Variants in CHSY1 observed in about 807,000 individuals in gnomAD.
The protein encoded by CHSY1 is N-acetylgalactosaminyl-proteoglycan 3-beta-glucuronosyltransferase 1.
In CHSY1, 13 loss-of-function variants were observed where a neutral mutation model predicts 59.8. The observed-to-expected ratio is 0.22, with a 90% CI of 0.14 to 0.35. The LOEUF (loss-of-function observed/expected upper bound fraction) is 0.35. Ranked by LOEUF, CHSY1 falls within the 10% of genes least tolerant of loss-of-function variation. CHSY1 has a pLI of 1.00. For synonymous variants in CHSY1, 459 were observed against 401.2 expected, an observed-to-expected ratio of 1.14 and a Z score of -1.72; for missense variants, 947 against 1,030.6, an observed-to-expected ratio of 0.92 and a Z score of 1.11.
Position 101,235,317 on chromosome 15 carries a change from A to T in CHSY1, c.581T>A (p.Leu194His). ...FLRSLNSSEP[L>H]FLGQTGLGTT... ...GCCCAGGCCTGTCTGCCCAAGAAAG[A>T]GGGGCTCGCTGCTGTTCAAACTCCT... Residue 194 changes from leucine (L) to histidine (H), a missense_variant, in exon 2 of 3, where the codon CTC becomes CAC. Around this residue, in one of 4 missense-constraint regions of CHSY1, gnomAD observed 108 missense variants for 144.4 expected, o/e 0.75. Transcript: ENST00000254190. The T allele has an allele frequency of 6.2e-7, 1 of 1,614,156 alleles. No individual in the cohort carries two copies. Among genetic ancestry groups the T allele is most frequent in the Non-Finnish European group, 8.5e-7 (1 of 1,180,032 alleles).
At chr15:101,213,847 G>A (rs573502263) in intron 2 of CHSY1, among the ~76,000 whole-genome samples, 3 of 152,240 alleles carry the variant, frequency 2.0e-5, no homozygotes, top group South Asian at 4.2e-4. Flanking sequence ...TCCTAGACTC[G>A]GTGTTTAAGT....
intron 2 of CHSY1, among the ~76,000 whole-genome samples, chr15:101,209,594 A>C (rs1326835706): frequency 6.6e-6 from 1 of 152,226 alleles, no homozygotes; most frequent in African/African-American, 2.4e-5. Context: ...AACCTGCTAA[A>C]CAAAAATAAC....
chr15:101,222,493 T>C (rs989328101), intron 2 of CHSY1, among the ~76,000 whole-genome samples: 12 of 152,228 alleles, frequency 7.9e-5, no homozygotes, highest in Admixed American at 7.8e-4. Flanking sequence ...CACTATTACC[T>C]AGAGTGCAGA....
intron 1 of CHSY1, among the ~76,000 whole-genome samples, chr15:101,240,748 T>C (rs924284857): frequency 3.9e-4 from 59 of 152,364 alleles, no homozygotes; most frequent in African/African-American, 1.3e-3. Context: ...ACTTTGGTGA[T>C]AACCTTGAGC....
Position 101,251,429 on chromosome 15 carries a change from GC to G in CHSY1, c.27del (p.Trp9CysfsTer26). On this transcript the variant is annotated frameshift_variant, in exon 1 of 3. Transcript: ENST00000254190. LOFTEE classifies it high-confidence loss of function. ...AGGACGAGCCCGAGCAGCACGCTGA[GC>G]CAGGCGCGCCGGCCGCGCGCGGCCA... Reference protein sequence around the residue: MAARGRRAWLSVLLGLVLG... With the variant: MAARGRRAXLSVLLGLVLG... 1 of 1,090,828 alleles carries G rather than the reference GC, an allele frequency of 9.2e-7. No homozygotes were observed. Among genetic ancestry groups the G allele is most frequent in the South Asian group, 2.2e-5 (1 of 45,014 alleles). The allele number at this position is 1,090,828 out of a possible 1,614,324, so 67.6% of individuals were successfully genotyped here.
intron 2 of CHSY1, among the ~76,000 whole-genome samples, chr15:101,195,925 G>C (rs1567092156): frequency 6.6e-6 from 1 of 151,382 alleles, no homozygotes; most frequent in Non-Finnish European, 1.5e-5. Context: ...ACCCCAGTTA[G>C]TTAATATAAA....
chr15:101,205,425 C>A (rs1011645076), intron 2 of CHSY1, among the ~76,000 whole-genome samples: 1 of 152,100 alleles, frequency 6.6e-6, no homozygotes, highest in Non-Finnish European at 1.5e-5. Context: ...TATAAACAAG[C>A]TAGTAATCAA....
intron 1 of CHSY1, among the ~76,000 whole-genome samples, chr15:101,245,302 G>A (rs2039039607): frequency 6.6e-6 from 1 of 152,156 alleles, no homozygotes; most frequent in African/African-American, 2.4e-5. Context: ...ATTTCATGTT[G>A]TAGGAAACCT....
intron 2 of CHSY1, among the ~76,000 whole-genome samples, chr15:101,234,871 G>A (rs189537007): frequency 4.4e-4 from 67 of 152,172 alleles, no homozygotes; most frequent in Admixed American, 1.2e-3. Context: ...TCTCTGGGGG[G>A]AGAAAAAGTA....
rs369812620 is a variant in CHSY1 at position 101,248,035 on chromosome 15, GTTGTTTTT to G, written c.320+3094_320+3101del. On this transcript the variant is annotated intron_variant, in intron 1 of 2. Transcript: ENST00000254190. ...TCCTTCATCTATAAGCCAAACAACA[GTTGTTTTT>G]TTGTTTTTTTTAAAAAACAAAACTA... Among the ~76,000 whole-genome samples the G allele has an allele frequency of 1.6e-3, 241 of 152,232 alleles. 1 individual carries two copies. Among genetic ancestry groups the G allele is most frequent in the African/African-American group, 5.6e-3 (233 of 41,532 alleles).
chr15:101,251,057 C>T, intron 1 of CHSY1, 80 bp downstream of exon 1: 2 of 1,356,098 alleles, frequency 1.5e-6, no homozygotes, highest in Non-Finnish European at 2.0e-6. Flanking sequence ...CGGGCGGAGG[C>T]GAGAGCCAGG....
intron 2 of CHSY1, among the ~76,000 whole-genome samples, chr15:101,226,968 G>A (rs561055470): frequency 6.6e-6 from 1 of 152,328 alleles, no homozygotes; most frequent in African/African-American, 2.4e-5. Context: ...AAATGGCAGA[G>A]TGAAGACCTC....
chr15:101,178,608 T>C lies in CHSY1; in HGVS notation c.1189A>G (p.Met397Val). The change falls in exon 3 of 3, where the codon ATG (methionine) becomes GTG (valine). Residue 397 changes from methionine (M) to valine (V), a missense_variant. Physicochemically the swap from Met to Val is conservative, Grantham distance 21. Coordinates refer to ENST00000254190, the MANE Select transcript of CHSY1 (RefSeq NM_014918.5). ...AAGGCTTCCCTCTGGGCGGAGTCCA[T>C]TCCTCTTCGAGGGGGCTGGCCGTCA... ...AVDGQPPRRG[M>V]DSAQREALDD... The C allele has an allele frequency of 3.1e-6, 5 of 1,614,202 alleles. No homozygotes were observed. Among genetic ancestry groups the C allele is most frequent in the Non-Finnish European group, 4.2e-6 (5 of 1,180,030 alleles).
chr15:101,224,540 A>G (rs564206621), intron 2 of CHSY1, among the ~76,000 whole-genome samples: 9 of 152,318 alleles, frequency 5.9e-5, no homozygotes, highest in African/African-American at 2.2e-4. Flanking sequence ...CAAGTGTAAG[A>G]TTCACCAGAG....
chr15:101,214,526 C>G (rs918360908), intron 2 of CHSY1, among the ~76,000 whole-genome samples: 6 of 152,194 alleles, frequency 3.9e-5, no homozygotes, highest in Non-Finnish European at 8.8e-5. Flanking sequence ...TGCTTACATA[C>G]TTTGGTATAT....
chr15:101,195,601 C>G (rs889490099), intron 2 of CHSY1, among the ~76,000 whole-genome samples: 1 of 152,154 alleles, frequency 6.6e-6, no homozygotes, highest in Non-Finnish European at 1.5e-5. Flanking sequence ...ACGGGCAGAT[C>G]ATGAGGTCAG....
chr15:101,223,086 C>A (rs2038807072), intron 2 of CHSY1, among the ~76,000 whole-genome samples: 1 of 152,202 alleles, frequency 6.6e-6, no homozygotes, highest in Non-Finnish European at 1.5e-5. Flanking sequence ...CTCTGCCCCC[C>A]AGGTTCAAGT....
intron 1 of CHSY1, among the ~76,000 whole-genome samples, chr15:101,250,612 A>G (rs8032007): frequency 0.43 from 65,670 of 152,198 alleles, 16,662 homozygotes; most frequent in African/African-American, 0.72. Flanking sequence ...GTGGTCCAAT[A>G]TGCTGCGGGC....
intron 2 of CHSY1, among the ~76,000 whole-genome samples, chr15:101,205,430 A>C (rs68147025): frequency 0.28 from 42,451 of 152,040 alleles, 6,725 homozygotes; most frequent in African/African-American, 0.43. Flanking sequence ...ACAAGCTAGT[A>C]ATCAATTGAC....
Sources: allele counts gnomAD v4.1 joint callset (sites outside exome capture counted in the v4.1 genomes callset), GRCh38; gene constraint gnomAD v4.1.1; regional missense constraint gnomAD v4.1.1; transcripts MANE v1.5; gene names NCBI Gene and HGNC (gene_info 2026-07-23, HGNC 2026-07-21).